Variants in TTLL5 observed in about 807,000 individuals in gnomAD.
TTLL5 encodes tubulin polyglutamylase TTLL5.
Under a neutral mutation model 168.4 loss-of-function variants are expected in TTLL5, and 132 were observed. The observed-to-expected ratio is 0.78, with a 90% confidence interval of 0.68 to 0.91. The LOEUF (loss-of-function observed/expected upper bound fraction) is 0.91. TTLL5 is among the 40% of genes least tolerant of loss of function. The pLI, the probability that TTLL5 is intolerant of heterozygous loss-of-function variation, is 0.00. For missense variants in TTLL5, 1,545 were observed against 1,581.5 expected (o/e 0.98, Z 0.39); for synonymous variants, 546 against 558.6 (o/e 0.98, Z 0.32).
intron 31 of TTLL5, among the ~76,000 whole-genome samples, chr14:75,920,987 AT>A (rs1191232479): frequency 6.6e-6 from 1 of 152,026 alleles, no homozygotes; most frequent in South Asian, 2.1e-4. Flanking sequence ...GATGATGAGC[AT>A]TTTTTCATGT....
intron 31 of TTLL5, among the ~76,000 whole-genome samples, chr14:75,916,763 A>C (rs777083803): frequency 3.9e-5 from 6 of 152,250 alleles, no homozygotes; most frequent in Non-Finnish European, 8.8e-5. Flanking sequence ...ATTCACAGTA[A>C]TCAAAAGACA....
chr14:75,942,737 A>G (rs2034650183), intron 31 of TTLL5, among the ~76,000 whole-genome samples: 1 of 152,204 alleles, frequency 6.6e-6, no homozygotes, highest in Non-Finnish European at 1.5e-5. Context: ...CTATGGCCTA[A>G]ACACAAGCCA....
At chr14:75,704,508 C>A (rs1435033378) in intron 7 of TTLL5, among the ~76,000 whole-genome samples, 1 of 152,202 alleles carries the variant, frequency 6.6e-6, no homozygotes, top group Non-Finnish European at 1.5e-5. Context: ...CATTGGACTC[C>A]AGCCTGGGCG....
At chr14:75,874,837 C>T (rs993246885) in intron 29 of TTLL5, among the ~76,000 whole-genome samples, 2 of 149,550 alleles carry the variant, frequency 1.3e-5, no homozygotes, top group South Asian at 2.2e-4. Context: ...TGTGTGTGTG[C>T]GTGCACATGT....
chr14:75,911,361 G>A (rs1661967446), intron 31 of TTLL5, among the ~76,000 whole-genome samples: 1 of 152,138 alleles, frequency 6.6e-6, no homozygotes, highest in Admixed American at 6.5e-5. Flanking sequence ...ATACCAGAGA[G>A]GAGTAGCTTG....
At chr14:75,827,885 T>G (rs1053093616) in intron 28 of TTLL5, among the ~76,000 whole-genome samples, 7 of 151,636 alleles carry the variant, frequency 4.6e-5, no homozygotes, top group Non-Finnish European at 1.0e-4. Context: ...GCCTGGCTAA[T>G]TTTTGTATTT....
chr14:75,924,620 G>A (rs2033946633), intron 31 of TTLL5, among the ~76,000 whole-genome samples: 1 of 151,926 alleles, frequency 6.6e-6, no homozygotes, highest in Non-Finnish European at 1.5e-5. Context: ...CGATCAACAG[G>A]ATCCCAAGGC....
chr14:75,720,842 A>T lies in TTLL5; in HGVS notation c.1042+139A>T, dbSNP rs1017245401. 7.0e-6 allele frequency: 5 copies of T among 717,432 alleles called. No individual in the cohort carries two copies. The African/African-American group carries it at 8.9e-5, about 13-fold the overall frequency. 44.4% of individuals were successfully genotyped at this position (717,432 alleles called of 1,614,324 possible). A position where few individuals can be genotyped will look rare whatever the true frequency, so the allele number is the denominator to read the frequency against. On this transcript the variant is annotated intron_variant, in intron 12 of 31. Coordinates refer to ENST00000298832, the MANE Select transcript of TTLL5 (RefSeq NM_015072.5). ...ACTCTTCTTTCTAAGCTCATGTAGC[A>T]TATGAAGAGCCTACTAAGAGGCCAA... is the stretch of plus-strand genomic sequence containing the variant.
chr14:75,775,769 A>C, intron 22 of TTLL5, 139 bp downstream of exon 22: 1 of 1,105,934 alleles, frequency 9.0e-7, no homozygotes, highest in East Asian at 2.6e-5. Context: ...TATTACTGTT[A>C]GGGGAAGCAG....
rs758668020 is a variant in TTLL5, at chr14:75,720,668, G to A, written c.1007G>A (p.Cys336Tyr). ...GCTGAACTAGCTATTGCTACTGCCTGTAAAACCTTTGTTCCTCATCGCAGC... is the reference window on the plus strand; with the variant it reads ...GCTGAACTAGCTATTGCTACTGCCTATAAAACCTTTGTTCCTCATCGCAGC... ...ISAELAIATA[C>Y]KTFVPHRSSC... The change falls in exon 12 of 32, where the codon TGT (cysteine) becomes TAT (tyrosine). Residue 336 changes from cysteine to tyrosine, a missense_variant. Coordinates refer to ENST00000298832, the MANE Select transcript of TTLL5 (RefSeq NM_015072.5). The A allele has an allele frequency of 6.2e-7, 1 of 1,613,680 alleles. No homozygotes were observed. Among genetic ancestry groups the A allele is most frequent in the Non-Finnish European group, 8.5e-7 (1 of 1,179,654 alleles).
chr14:75,767,525 A>G (rs1891037539), intron 20 of TTLL5, among the ~76,000 whole-genome samples: 1 of 152,234 alleles, frequency 6.6e-6, no homozygotes, highest in African/African-American at 2.4e-5. Flanking sequence ...CTCCCAGCAG[A>G]ATAGCAAGTA....
rs150395076 is a variant in TTLL5 at position 75,738,866 on chromosome 14, G to A, written c.1281+3577G>A. The stretch of plus-strand genomic sequence containing the variant: ...ATCACCCAGGCTGGAGTGCAGTGAC[G>A]CGATCACAGCTCACTACAGCCTGGA... On this transcript the variant is annotated intron_variant, in intron 15 of 31. Coordinates refer to ENST00000298832, the MANE Select transcript of TTLL5 (RefSeq NM_015072.5). 9.1e-4 allele frequency among the ~76,000 whole-genome samples: 139 copies of A among 152,218 alleles called. 1 individual carries two copies. In the East Asian group the frequency reaches 0.02, roughly 21 times the overall value.
At chr14:75,725,725 A>G (rs1369810879) in intron 12 of TTLL5, among the ~76,000 whole-genome samples, 1 of 152,086 alleles carries the variant, frequency 6.6e-6, no homozygotes. Context: ...ACTCAGGAAA[A>G]ATGATATCAT....
chr14:75,893,219 G>C (rs1456644475), intron 30 of TTLL5, among the ~76,000 whole-genome samples: 1 of 152,108 alleles, frequency 6.6e-6, no homozygotes, highest in East Asian at 1.9e-4. Context: ...GACAAGCAAC[G>C]CTTTTAGAAA....
chr14:75,779,490 C>A (rs1454491755), intron 23 of TTLL5, 85 bp from the exon 24 acceptor site: 1 of 1,560,022 alleles, frequency 6.4e-7, no homozygotes, highest in African/African-American at 1.4e-5. Context: ...CCTTTTCCAG[C>A]TTGCTCTGTT....
intron 31 of TTLL5, among the ~76,000 whole-genome samples, chr14:75,914,033 A>AAAAAAAAATATATATATATATATAT: frequency 7.0e-5 from 5 of 71,092 alleles, no homozygotes; most frequent in African/African-American, 1.5e-4. Context: ...AAAAAAAAAA[A>AAAAAAAAATATATATATATATATAT]ATATATATAT....
chr14:75,846,199 C>G (rs1211546721), intron 28 of TTLL5, among the ~76,000 whole-genome samples: 1 of 152,136 alleles, frequency 6.6e-6, no homozygotes, highest in African/African-American at 2.4e-5. Context: ...TATGCTGACT[C>G]TCCTGAATAG....
At chr14:75,902,900 G>A (rs58354224) in intron 31 of TTLL5, among the ~76,000 whole-genome samples, 1,947 of 152,272 alleles carry the variant, frequency 0.013, 34 homozygotes, top group African/African-American at 0.044. Flanking sequence ...GATACACACC[G>A]GGTGAACAAG....
Position 75,801,644 on chromosome 14 carries a change from A to G in TTLL5, c.3171+8544A>G, listed in dbSNP as rs1023808880. ...ATTTTGTGTTGCAAAGCTCAATTAT[A>G]GGTTATTCAACCCTTTCCCTTCAGA... On this transcript the variant is annotated intron_variant, in intron 27 of 31. Transcript: ENST00000298832. Among the ~76,000 whole-genome samples the G allele has an allele frequency of 6.6e-5, 10 of 152,296 alleles. No homozygotes were observed. In the South Asian group the frequency reaches 2.1e-3, roughly 32 times the overall value.
Sources: allele counts gnomAD v4.1 joint callset (sites outside exome capture counted in the v4.1 genomes callset), GRCh38; gene constraint gnomAD v4.1.1; transcripts MANE v1.5; gene names NCBI Gene and HGNC (gene_info 2026-07-23, HGNC 2026-07-21).